CNTNAP5: variants seen among roughly 807,000 people sequenced by gnomAD.
CNTNAP5 encodes the protein contactin-associated protein-like 5.
CNTNAP5 carries 72 observed loss-of-function variants against 150.2 expected under a neutral mutation model. The observed-to-expected ratio is 0.48, with a 90% CI of 0.40 to 0.58. CNTNAP5 has a LOEUF of 0.58. CNTNAP5 is among the 20% of genes least tolerant of loss of function. The pLI is 0.00. For missense variants in CNTNAP5, 1,636 were observed against 1,626.2 expected, an observed-to-expected ratio of 1.01 and a Z score of -0.10; for synonymous variants, 672 against 619.8, an observed-to-expected ratio of 1.08 and a Z score of -1.25.
In CNTNAP5 at chr2:124,205,406, GTTTTC is replaced by G. The variant is rs1384090129; in HGVS notation, c.83-16284_83-16280del. The stretch of plus-strand genomic sequence containing the variant: ...ATGTGGAACTGTGTCAATTAAAGTT[GTTTTC>G]TTTTCTTTTCTTTTTTTTTTTTTTG... On this transcript the variant is annotated intron_variant, in intron 1 of 23. Coordinates refer to ENST00000682447, the MANE Select transcript of CNTNAP5 (RefSeq NM_001367498.1). Among the ~76,000 whole-genome samples, 269 of 150,194 alleles carry G rather than the reference GTTTTC, an allele frequency of 1.8e-3. 1 individual carries two copies. The highest frequency in any genetic ancestry group is 6.4e-3 in the African/African-American group (262 of 40,990).
intron 1 of CNTNAP5, among the ~76,000 whole-genome samples, chr2:124,154,928 A>T (rs1438253827): frequency 3.3e-5 from 5 of 152,182 alleles, no homozygotes; most frequent in Non-Finnish European, 7.3e-5. Context: ...TCACCAAATG[A>T]TTCCACTATG....
At position 124,302,260 on chromosome 2, in the gene CNTNAP5, C is replaced by CAAATAAATAAATAAAT. The variant is rs527957243; in HGVS notation, c.381+59870_381+59885dup. On this transcript the variant is annotated intron_variant, in intron 3 of 23. Transcript: ENST00000682447. ...CAGACTATATACTGTTAAGAATAAA[C>CAAATAAATAAATAAAT]AAATAAATAAATAAATAAGTAAAAG... 1.4e-3 allele frequency among the ~76,000 whole-genome samples: 209 copies of CAAATAAATAAATAAAT among 152,308 alleles called. 2 individuals are homozygous for CAAATAAATAAATAAAT. Among genetic ancestry groups the CAAATAAATAAATAAAT allele is most frequent in the Non-Finnish European group, 2.6e-3 (178 of 68,016 alleles).
At chr2:124,214,916 T>C (rs1213554092) in intron 1 of CNTNAP5, among the ~76,000 whole-genome samples, 1 of 152,284 alleles carries the variant, frequency 6.6e-6, no homozygotes, top group East Asian at 1.9e-4. Context: ...TCACGACTGA[T>C]TTTAGAAAGC....
chr2:124,828,264 G>T (rs314706), intron 19 of CNTNAP5, among the ~76,000 whole-genome samples: 91,072 of 151,894 alleles, frequency 0.6, 28,696 homozygotes, highest in East Asian at 0.84. Flanking sequence ...GGCGGATCAC[G>T]AGGTCAGGAG....
intron 6 of CNTNAP5, among the ~76,000 whole-genome samples, chr2:124,465,235 G>A (rs955142697): frequency 1.5e-4 from 23 of 152,196 alleles, no homozygotes; most frequent in Non-Finnish European, 2.6e-4. Context: ...GGCTTTCTCC[G>A]GGGATTTATC....
intron 16 of CNTNAP5, among the ~76,000 whole-genome samples, chr2:124,764,797 T>C (rs1681032637): frequency 6.6e-6 from 1 of 152,162 alleles, no homozygotes; most frequent in Non-Finnish European, 1.5e-5. Context: ...ATCATACTAA[T>C]GAAACAATAT....
At chr2:124,710,424 TAATAGAAAACC>T (rs1273327085) in intron 13 of CNTNAP5, among the ~76,000 whole-genome samples, 2 of 152,144 alleles carry the variant, frequency 1.3e-5, no homozygotes, top group Non-Finnish European at 2.9e-5. Flanking sequence ...ACGCAACCTG[TAATAGAAAACC>T]AATAGATTTT....
At chr2:124,221,130 G>A (rs933980242) in intron 1 of CNTNAP5, among the ~76,000 whole-genome samples, 2 of 152,142 alleles carry the variant, frequency 1.3e-5, no homozygotes, top group African/African-American at 4.8e-5. Context: ...ACAAGATCTA[G>A]GACTATTCAC....
At chr2:124,418,939 C>T (rs1166845297) in intron 4 of CNTNAP5, among the ~76,000 whole-genome samples, 2 of 149,928 alleles carry the variant, frequency 1.3e-5, no homozygotes, top group Non-Finnish European at 3.0e-5. Context: ...TCGAGACCAT[C>T]CTGGCTAACA....
intron 7 of CNTNAP5, among the ~76,000 whole-genome samples, chr2:124,502,831 G>A (rs1360254889): frequency 6.6e-6 from 1 of 152,160 alleles, no homozygotes; most frequent in African/African-American, 2.4e-5. Flanking sequence ...ATCAGAGATG[G>A]TGGCTAAAAG....
chr2:124,496,123 A>C, intron 7 of CNTNAP5, among the ~76,000 whole-genome samples: 1 of 151,926 alleles, frequency 6.6e-6, no homozygotes, highest in Non-Finnish European at 1.5e-5. Flanking sequence ...TGCTTAATAG[A>C]GAACTGCTAA....
At chr2:124,347,263 C>G (rs149588180) in intron 3 of CNTNAP5, among the ~76,000 whole-genome samples, 1 of 152,262 alleles carries the variant, frequency 6.6e-6, no homozygotes, top group Non-Finnish European at 1.5e-5. Flanking sequence ...GACGGGGCAT[C>G]TGGAGAAAGA....
intron 8 of CNTNAP5, among the ~76,000 whole-genome samples, chr2:124,513,229 T>C (rs1694634242): frequency 6.6e-6 from 1 of 152,208 alleles, no homozygotes; most frequent in Non-Finnish European, 1.5e-5. Flanking sequence ...GATGGTTGTC[T>C]TTTTCTGTCT....
intron 7 of CNTNAP5, among the ~76,000 whole-genome samples, chr2:124,503,051 C>T (rs1694313700): frequency 6.6e-6 from 1 of 152,156 alleles, no homozygotes; most frequent in Admixed American, 6.5e-5. Context: ...ATGATATATA[C>T]TGTGGGTGAT....
intron 13 of CNTNAP5, among the ~76,000 whole-genome samples, chr2:124,725,463 C>T (rs71428161): frequency 2.9e-4 from 42 of 143,266 alleles, no homozygotes; most frequent in Admixed American, 2.5e-3. Context: ...CCTTCCTCTT[C>T]CCCTTCCCCT....
In CNTNAP5 at chr2:124,609,937, CCT is replaced by C; in HGVS notation, c.1876+18_1876+19del. 6.2e-7 allele frequency: 1 copy of C among 1,604,300 alleles called. No homozygotes were observed. Among genetic ancestry groups the C allele is most frequent in the Non-Finnish European group, 8.5e-7 (1 of 1,172,418 alleles). ...ATATCACTGGTAAGGGTGCAGTAGC[CCT>C]ACTCACACTTAACCACCCCACTTCA... On this transcript the variant is annotated intron_variant, in intron 12 of 23. Coordinates refer to ENST00000682447, the MANE Select transcript of CNTNAP5 (RefSeq NM_001367498.1).
chr2:124,045,446 C>T (rs1264949186), intron 1 of CNTNAP5, among the ~76,000 whole-genome samples: 1 of 151,806 alleles, frequency 6.6e-6, no homozygotes, highest in East Asian at 1.9e-4. Context: ...TACAGGTGCC[C>T]ACCACCAGGC....
intron 13 of CNTNAP5, among the ~76,000 whole-genome samples, chr2:124,710,032 TCTTA>T: frequency 6.6e-6 from 1 of 152,146 alleles, no homozygotes; most frequent in East Asian, 1.9e-4. Flanking sequence ...TGGTCCCGGG[TCTTA>T]CTTTTTGCCA....
intron 3 of CNTNAP5, among the ~76,000 whole-genome samples, chr2:124,336,931 T>A (rs201891218): frequency 3.3e-5 from 5 of 152,062 alleles, no homozygotes; most frequent in Non-Finnish European, 5.9e-5. Context: ...CTAGTTCTAG[T>A]TCCCTGAGGA....
Sources: allele counts gnomAD v4.1 joint callset (sites outside exome capture counted in the v4.1 genomes callset), GRCh38; gene constraint gnomAD v4.1.1; transcripts MANE v1.5; gene names NCBI Gene and HGNC (gene_info 2026-07-23, HGNC 2026-07-21).